DAB1: variants seen among roughly 807,000 people sequenced by gnomAD.
The protein encoded by DAB1 is disabled homolog 1.
In DAB1, 15 loss-of-function variants were observed where a neutral mutation model predicts 64.6. That is an observed-to-expected ratio of 0.23 (90% confidence interval 0.16 to 0.36). The LOEUF (loss-of-function observed/expected upper bound fraction) is 0.36. Among genes scored for constraint, DAB1 ranks in the 10% least tolerant of loss-of-function variants. The pLI, the probability that DAB1 is intolerant of heterozygous loss-of-function variation, is 1.00. For missense variants in DAB1, 596 were observed against 706.7 expected (o/e 0.84, Z 1.78); for synonymous variants, 235 against 251.9 (o/e 0.93, Z 0.64).
intron 7 of DAB1, among the ~76,000 whole-genome samples, chr1:57,562,822 T>C (rs961428877): frequency 1.3e-5 from 2 of 152,140 alleles, no homozygotes; most frequent in African/African-American, 2.4e-5. Flanking sequence ...TAAGATTGCA[T>C]TTGGACACTT....
intron 2 of DAB1, among the ~76,000 whole-genome samples, chr1:57,151,392 C>T (rs534111569): frequency 6.6e-6 from 1 of 152,206 alleles, no homozygotes; most frequent in East Asian, 1.9e-4. Flanking sequence ...GAACTTATAT[C>T]CTAGTGGGAA....
chr1:57,475,391 A>G (rs1424083148), intron 7 of DAB1, among the ~76,000 whole-genome samples: 1 of 152,238 alleles, frequency 6.6e-6, no homozygotes, highest in Non-Finnish European at 1.5e-5. Context: ...GTCTGTTTTA[A>G]GGTTTCAGTG....
At chr1:57,478,666 T>G (rs759797828) in intron 7 of DAB1, among the ~76,000 whole-genome samples, 7 of 150,318 alleles carry the variant, frequency 4.7e-5, no homozygotes, top group African/African-American at 7.4e-5. Context: ...GATCTCAGCT[T>G]TCTGCAACCT....
intron 7 of DAB1, among the ~76,000 whole-genome samples, chr1:57,567,512 G>C (rs1017038919): frequency 2.6e-4 from 40 of 152,278 alleles, no homozygotes; most frequent in African/African-American, 8.7e-4. Flanking sequence ...TGACATCATT[G>C]TATATTTAGA....
chr1:58,493,052 G>A (rs1388712045), intron 3 of DAB1, among the ~76,000 whole-genome samples: 8 of 151,974 alleles, frequency 5.3e-5, no homozygotes, highest in African/African-American at 9.6e-5. Context: ...GCAGCACATC[G>A]AAAAGCTTAT....
Position 57,441,359 on chromosome 1 carries a change from C to A in DAB1, n.626-150193G>T, listed in dbSNP as rs965230615. Among the ~76,000 whole-genome samples, 22 of 126,452 alleles carry A rather than the reference C, an allele frequency of 1.7e-4. 1 individual carries two copies. The highest frequency in any genetic ancestry group is 3.3e-4 in the Non-Finnish European group (19 of 58,122). 83.0% of individuals were successfully genotyped at this position (126,452 alleles called of 152,430 possible). The stretch of plus-strand genomic sequence containing the variant: ...TCTTTCTTTCTTTCTTTTTTTCTTT[C>A]TTCTTTCTTTTTTTTTGAGGCAGGG... On this transcript the variant is annotated intron_variant and non_coding_transcript_variant, in intron 7 of 20. Coordinates refer to the DAB1 transcript ENST00000485760.
At chr1:57,659,469 G>T (rs1349348960) in intron 6 of DAB1, among the ~76,000 whole-genome samples, 3 of 152,134 alleles carry the variant, frequency 2.0e-5, no homozygotes, top group Non-Finnish European at 4.4e-5. Context: ...GGAGCAGCTG[G>T]GGTTTGTGGA....
Position 58,181,825 on chromosome 1 carries a change from C to A in DAB1, n.310-31237G>T, listed in dbSNP as rs140418208. Among the ~76,000 whole-genome samples the A allele has an allele frequency of 4.1e-4, 63 of 152,018 alleles. 1 individual carries two copies. The highest frequency in any genetic ancestry group is 1.5e-3 in the African/African-American group (62 of 41,442). ...TATTTCATGCAATTGTCTTTTAAAT[C>A]AGTTATGAGAAAAGAAACATATATT... On this transcript the variant is annotated intron_variant and non_coding_transcript_variant, in intron 4 of 20. Transcript: ENST00000485760.
intron 12 of DAB1, among the ~76,000 whole-genome samples, chr1:57,011,531 G>C (rs990663197): frequency 1.3e-5 from 2 of 152,212 alleles, no homozygotes; most frequent in African/African-American, 4.8e-5. Flanking sequence ...TGGACAAGCA[G>C]CAGCAGTAGC....
At chr1:58,188,698 T>C (rs1339198312) in intron 4 of DAB1, among the ~76,000 whole-genome samples, 1 of 152,232 alleles carries the variant, frequency 6.6e-6, no homozygotes, top group African/African-American at 2.4e-5. Context: ...TAACAACTTG[T>C]AATTCATTCA....
In DAB1 at chr1:58,200,608, A is replaced by G. The variant is rs1035911295; in HGVS notation, n.310-50020T>C. 3.3e-5 allele frequency among the ~76,000 whole-genome samples: 5 copies of G among 151,514 alleles called. No individual in the cohort carries two copies. The South Asian group carries it at 1.0e-3, about 32-fold the overall frequency. On this transcript the variant is annotated intron_variant and non_coding_transcript_variant, in intron 4 of 20. Coordinates refer to the DAB1 transcript ENST00000485760. Reference sequence around the variant, plus strand: ...ACTCTTACCAAATTATCATGATTATATAAATCACTCAAGTAAGGTAAAATG... The same window carrying G: ...ACTCTTACCAAATTATCATGATTATGTAAATCACTCAAGTAAGGTAAAATG...
intron 1 of DAB1, among the ~76,000 whole-genome samples, chr1:57,358,086 A>T (rs1679267653): frequency 6.6e-6 from 1 of 152,008 alleles, no homozygotes; most frequent in Admixed American, 6.6e-5. Flanking sequence ...AGATCATGTC[A>T]TTTGCAAAGA....
intron 7 of DAB1, among the ~76,000 whole-genome samples, chr1:57,440,893 AC>A (rs1378241322): frequency 6.6e-6 from 1 of 152,194 alleles, no homozygotes; most frequent in Non-Finnish European, 1.5e-5. Flanking sequence ...TATTTTAGAT[AC>A]AGGAGTTACA....
intron 2 of DAB1, among the ~76,000 whole-genome samples, chr1:57,275,813 A>G (rs1182830456): frequency 2.6e-5 from 4 of 152,198 alleles, no homozygotes; most frequent in African/African-American, 9.6e-5. Context: ...ACAAATTAGC[A>G]TCTTCCCCTG....
chr1:57,313,373 T>TA (rs748250963), intron 1 of DAB1, among the ~76,000 whole-genome samples: 20 of 152,134 alleles, frequency 1.3e-4, no homozygotes, highest in Non-Finnish European at 2.6e-4. Context: ...CAAAATGTGT[T>TA]AAAAAAATTA....
intron 3 of DAB1, among the ~76,000 whole-genome samples, chr1:58,346,472 T>C (rs1448953347): frequency 6.6e-6 from 1 of 152,232 alleles, no homozygotes; most frequent in Non-Finnish European, 1.5e-5. Flanking sequence ...AGAACCATTT[T>C]TTGCAAATAA....
At chr1:57,439,589 C>T (rs557469729) in intron 7 of DAB1, among the ~76,000 whole-genome samples, 8 of 144,422 alleles carry the variant, frequency 5.5e-5, no homozygotes, top group East Asian at 2.1e-4. Flanking sequence ...CCACCGCGCC[C>T]GGCTAATTTT....
intron 5 of DAB1, among the ~76,000 whole-genome samples, chr1:58,111,319 C>G (rs527244341): frequency 6.6e-6 from 1 of 152,296 alleles, no homozygotes; most frequent in South Asian, 2.1e-4. Flanking sequence ...CCCATTGAAC[C>G]TTCTCCATGA....
chr1:57,025,777 A>G (rs1403898486), intron 10 of DAB1, among the ~76,000 whole-genome samples: 2 of 152,232 alleles, frequency 1.3e-5, no homozygotes, highest in African/African-American at 4.8e-5. Context: ...ACAGAGGCAT[A>G]TATCATACTT....
Sources: allele counts gnomAD v4.1 joint callset (sites outside exome capture counted in the v4.1 genomes callset), GRCh38; gene constraint gnomAD v4.1.1; transcripts MANE v1.5; gene names NCBI Gene and HGNC (gene_info 2026-07-23, HGNC 2026-07-21).